Variants in CWH43 observed in about 807,000 individuals in gnomAD.
CWH43 encodes the protein PGAP2-interacting protein.
In CWH43, 91 loss-of-function variants were observed where a neutral mutation model predicts 85.7. The observed-to-expected ratio is 1.06, with a 90% CI of 0.90 to 1.26. The LOEUF is 1.26. Ranked by LOEUF, CWH43 falls within the 50% of genes most tolerant of loss-of-function variation. The pLI is 0.00. For synonymous variants in CWH43, 323 were observed against 293.6 expected (o/e 1.10, Z -1.02); for missense variants, 869 against 839.2 (o/e 1.04, Z -0.44).
Position 48,986,343 on chromosome 4 carries a change from C to A in CWH43, c.-87C>A, listed in dbSNP as rs1782493471. ...GCGCGGACGCAGGCCCGGGAGGACG[C>A]GGCGGCGGGAACCTGGGGGCGCAGG... On this transcript the variant is annotated 5_prime_UTR_variant, in exon 1 of 16. Transcript: ENST00000226432. 2.3e-6 allele frequency: 3 copies of A among 1,309,226 alleles called. No individual in the cohort carries two copies. The highest frequency in any genetic ancestry group is 2.3e-5 in the Admixed American group (1 of 43,844). 81.1% of individuals were successfully genotyped at this position (1,309,226 alleles called of 1,614,324 possible).
intron 9 of CWH43, among the ~76,000 whole-genome samples, chr4:49,018,806 G>C (rs1783642147): frequency 6.6e-6 from 1 of 152,190 alleles, no homozygotes. Context: ...TGAGAACACA[G>C]ACCATGCTTC....
chr4:49,009,080 C>T (rs1783263171), intron 8 of CWH43, among the ~76,000 whole-genome samples: 1 of 152,168 alleles, frequency 6.6e-6, no homozygotes, highest in Non-Finnish European at 1.5e-5. Context: ...TGGCCATTTT[C>T]ATGATATTGA....
chr4:48,989,272 A>C (rs943746914), intron 2 of CWH43, among the ~76,000 whole-genome samples: 1 of 152,220 alleles, frequency 6.6e-6, no homozygotes, highest in Non-Finnish European at 1.5e-5. Flanking sequence ...ACACATACAG[A>C]TATGTTTATC....
rs188330911 is a variant in CWH43, at chr4:49,017,617, G to A, written c.1266+289G>A. Reference sequence around the variant, plus strand: ...ATATCTGAACTATGTGTATTAGTTTGTTCTTGCACTGCCATAAAGAAATAC... The same window carrying A: ...ATATCTGAACTATGTGTATTAGTTTATTCTTGCACTGCCATAAAGAAATAC... On this transcript the variant is annotated intron_variant, in intron 9 of 15. Coordinates refer to ENST00000226432, the MANE Select transcript of CWH43 (RefSeq NM_025087.3). Among the ~76,000 whole-genome samples the A allele has an allele frequency of 2.6e-3, 401 of 152,228 alleles. 3 individuals are homozygous for A. Among genetic ancestry groups the A allele is most frequent in the Middle Eastern group, 6.8e-3 (2 of 294 alleles).
intron 8 of CWH43, chr4:49,016,964 C>G: frequency 2.6e-6 from 2 of 783,238 alleles, no homozygotes; most frequent in Non-Finnish European, 4.7e-6. Context: ...TGTAGCAGTT[C>G]TGCGCAGGCA....
At chr4:48,988,334 A>T in intron 1 of CWH43, 143 bp from the exon 2 acceptor site, 1 of 480,930 alleles carries the variant, frequency 2.1e-6, no homozygotes, top group South Asian at 4.9e-5. Flanking sequence ...GTTCCATGTC[A>T]GTGGAGACAA....
chr4:49,005,160 C>T (rs1307406068), intron 7 of CWH43, among the ~76,000 whole-genome samples: 1 of 152,056 alleles, frequency 6.6e-6, no homozygotes, highest in Non-Finnish European at 1.5e-5. Context: ...TGATCATGTA[C>T]CTTATGTTCC....
At chr4:49,047,559 A>C (rs910073888) in intron 14 of CWH43, among the ~76,000 whole-genome samples, 1 of 152,136 alleles carries the variant, frequency 6.6e-6, no homozygotes, top group Non-Finnish European at 1.5e-5. Context: ...GGAGGGAGCC[A>C]TTTGGCCACC....
chr4:49,047,558 C>T (rs1482963263), intron 14 of CWH43, among the ~76,000 whole-genome samples: 1 of 152,090 alleles, frequency 6.6e-6, no homozygotes, highest in Non-Finnish European at 1.5e-5. Context: ...AGGAGGGAGC[C>T]ATTTGGCCAC....
At chr4:49,036,891 G>T (rs1205701117) in intron 12 of CWH43, among the ~76,000 whole-genome samples, 1 of 152,140 alleles carries the variant, frequency 6.6e-6, no homozygotes, top group African/African-American at 2.4e-5. Flanking sequence ...CCTCTGGGAA[G>T]CCTCCTCCAT....
intron 2 of CWH43, 36 bp from the exon 3 acceptor site, chr4:48,991,418 G>T: frequency 6.2e-7 from 1 of 1,612,018 alleles, no homozygotes; most frequent in Non-Finnish European, 8.5e-7. Context: ...ATCCATACTT[G>T]CCAGAAATGC....
At chr4:49,046,179 A>C (rs748021083) in intron 14 of CWH43, among the ~76,000 whole-genome samples, 7 of 152,206 alleles carry the variant, frequency 4.6e-5, no homozygotes, top group Non-Finnish European at 1.0e-4. Context: ...CTGTATACAT[A>C]CATATGTGAT....
At chr4:48,997,766 ACAGG>A (rs1481063177) in intron 5 of CWH43, among the ~76,000 whole-genome samples, 1 of 152,202 alleles carries the variant, frequency 6.6e-6, no homozygotes, top group African/African-American at 2.4e-5. Context: ...CATTTATCTT[ACAGG>A]CACATGAGAA....
chr4:48,994,932 C>T (rs1782765664), intron 5 of CWH43, 112 bp downstream of exon 5: 2 of 844,758 alleles, frequency 2.4e-6, no homozygotes, highest in African/African-American at 1.7e-5. Context: ...ATACCACTCT[C>T]CCTAGATATC....
intron 15 of CWH43, among the ~76,000 whole-genome samples, chr4:49,060,894 G>T (rs1785135433): frequency 6.6e-6 from 1 of 152,102 alleles, no homozygotes; most frequent in Non-Finnish European, 1.5e-5. Context: ...ATATATGTAT[G>T]TGCGTATATC....
At chr4:49,009,137 C>G (rs2109770174) in intron 8 of CWH43, among the ~76,000 whole-genome samples, 1 of 152,114 alleles carries the variant, frequency 6.6e-6, no homozygotes, top group Non-Finnish European at 1.5e-5. Flanking sequence ...TGTTTGTGTC[C>G]TCTTTTATTT....
chr4:49,004,039 T>A (rs750890368), intron 7 of CWH43, 47 bp downstream of exon 7: 1 of 1,539,886 alleles, frequency 6.5e-7, no homozygotes, highest in East Asian at 2.3e-5. Flanking sequence ...CTCAAAAATA[T>A]CCTTATGGAC....
Position 49,003,890 on chromosome 4 carries a change from A to G in CWH43, c.958A>G (p.Met320Val), listed in dbSNP as rs1242240417. 1.9e-6 allele frequency: 3 copies of G among 1,614,008 alleles called. No individual in the cohort carries two copies. Among genetic ancestry groups the G allele is most frequent in the Non-Finnish European group, 2.5e-6 (3 of 1,179,914 alleles). ...CCCTGGGAAAACCATGACCATTGCC[A>G]TGATATTTTATCTTCTAGAAATATT... ...TNPGKTMTIA[M>V]IFYLLEIFFC... The change falls in exon 7 of 16, where the codon ATG becomes GTG. Residue 320 changes from methionine (M) to valine (V), a missense_variant. This residue lies in a region of CWH43 where 577 missense variants were observed against 513.1 expected (regional missense o/e 1.12). Coordinates refer to ENST00000226432, the MANE Select transcript of CWH43 (RefSeq NM_025087.3).
At chr4:49,040,549 A>T (rs1211809930) in intron 13 of CWH43, among the ~76,000 whole-genome samples, 1 of 152,086 alleles carries the variant, frequency 6.6e-6, no homozygotes, top group East Asian at 1.9e-4. Flanking sequence ...TTCTTTTGAG[A>T]AGTGTCTGTT....
Sources: gnomAD v4.1 joint callset for allele counts (sites outside exome capture counted in the v4.1 genomes callset) on GRCh38, gnomAD v4.1.1 for gene constraint, gnomAD v4.1.1 regional missense constraint, MANE v1.5 for transcripts, NCBI Gene and HGNC (gene_info 2026-07-23, HGNC 2026-07-21) for gene names.